The following SASH1 variants were observed in gnomAD, a reference collection of about 807,000 sequenced individuals.
SASH1 encodes SAM and SH3 domain containing 1.
Under a neutral mutation model 125.2 loss-of-function variants are expected in SASH1, and 44 were observed. That is an observed-to-expected ratio of 0.35 (90% confidence interval 0.28 to 0.45). The LOEUF (loss-of-function observed/expected upper bound fraction) is 0.45, where lower values mean the gene tolerates loss of function less well. Among genes scored for constraint, SASH1 ranks in the 20% least tolerant of loss-of-function variants. The pLI is 1.00. For synonymous variants in SASH1, 639 were observed against 649.1 expected (o/e 0.98, Z 0.24); for missense variants, 1,426 against 1,614.5 (o/e 0.88, Z 2.00).
At chr6:148,512,902 C>T (rs1473857693) in intron 8 of SASH1, 5 of 985,330 alleles carry the variant, frequency 5.1e-6, no homozygotes, top group Non-Finnish European at 6.0e-6. Flanking sequence ...AAACGGTTTG[C>T]TGATAGTCAT....
At chr6:148,260,796 C>CTTTTTT in the SASH1 span, among the ~76,000 whole-genome samples, 309 of 104,018 alleles carry the variant, frequency 3.0e-3, 12 homozygotes, top group African/African-American at 4.9e-3. Flanking sequence ...CCTATAAGGG[C>CTTTTTT]TTTTTTTTTT....
chr6:148,442,233 C>T (rs1306400682), intron 4 of SASH1, among the ~76,000 whole-genome samples: 1 of 151,458 alleles, frequency 6.6e-6, no homozygotes, highest in African/African-American at 2.4e-5. Context: ...CCAGCACCAG[C>T]CCCCCGCCCC....
chr6:148,266,374 T>C, the SASH1 span, among the ~76,000 whole-genome samples: 2 of 152,210 alleles, frequency 1.3e-5, no homozygotes, highest in African/African-American at 4.8e-5. Flanking sequence ...AATGTTTGCA[T>C]AGGAATATGA....
In SASH1 at chr6:148,440,182, A is replaced by G. The variant is rs758747103; in HGVS notation, c.286-2A>G. ...GTTAAACTGGCATCTGTTCTGTTTT[A>G]GGAGAAACCCGATGCTAGCCCCACG... On this transcript the variant is annotated splice_acceptor_variant, in intron 2 of 19. Transcript: ENST00000367467. LOFTEE classifies it high-confidence loss of function. 6.2e-7 allele frequency: 1 copy of G among 1,614,014 alleles called. No homozygotes were observed.
At chr6:148,473,623 T>C (rs1778214262) in intron 6 of SASH1, among the ~76,000 whole-genome samples, 1 of 152,232 alleles carries the variant, frequency 6.6e-6, no homozygotes, top group Non-Finnish European at 1.5e-5. Flanking sequence ...AGGTCTGAAC[T>C]CTGTGACCTT....
the SASH1 span, among the ~76,000 whole-genome samples, chr6:148,234,720 A>G: frequency 3.9e-5 from 6 of 152,068 alleles, no homozygotes; most frequent in South Asian, 1.2e-3. Flanking sequence ...CCAGCTACTC[A>G]GGAGGCTGAG....
At chr6:148,494,691 A>G (rs899145775) in intron 8 of SASH1, among the ~76,000 whole-genome samples, 3 of 152,184 alleles carry the variant, frequency 2.0e-5, no homozygotes, top group Admixed American at 1.3e-4. Context: ...GTGGCCTTAT[A>G]ACACCACCTT....
chr6:148,213,550 A>C, the SASH1 span, among the ~76,000 whole-genome samples: 1 of 137,460 alleles, frequency 7.3e-6, no homozygotes, highest in African/African-American at 2.6e-5. Context: ...TGTTGAGAAA[A>C]GCACGGGGAA....
chr6:148,449,408 A>T (rs2115036214), intron 4 of SASH1, among the ~76,000 whole-genome samples: 3 of 115,812 alleles, frequency 2.6e-5, no homozygotes, highest in Admixed American at 9.4e-5. Context: ...TTTTTCTGAG[A>T]CGTAGTTTCG....
intron 4 of SASH1, among the ~76,000 whole-genome samples, chr6:148,466,487 T>C (rs1321659119): frequency 6.6e-6 from 1 of 152,200 alleles, no homozygotes; most frequent in East Asian, 1.9e-4. Context: ...CCCCTCTCTC[T>C]GGTCACCTTA....
At chr6:148,465,780 T>G (rs1253506316) in intron 4 of SASH1, among the ~76,000 whole-genome samples, 1 of 152,186 alleles carries the variant, frequency 6.6e-6, no homozygotes, top group Admixed American at 6.5e-5. Flanking sequence ...AACCCTTCTT[T>G]CTTTCTGAAG....
the SASH1 span, among the ~76,000 whole-genome samples, chr6:148,254,241 C>T: frequency 1.6e-4 from 24 of 151,776 alleles, no homozygotes; most frequent in Middle Eastern, 3.4e-3. Flanking sequence ...TAGAATATAA[C>T]GCATTAGATG....
At chr6:148,530,539 G>A (rs1781452246) in intron 12 of SASH1, among the ~76,000 whole-genome samples, 1 of 152,166 alleles carries the variant, frequency 6.6e-6, no homozygotes. Flanking sequence ...AGAAGCTGCT[G>A]TTGCTGATGT....
At chr6:148,232,842 T>G in the SASH1 span, among the ~76,000 whole-genome samples, 1 of 152,216 alleles carries the variant, frequency 6.6e-6, no homozygotes, top group Non-Finnish European at 1.5e-5. Flanking sequence ...TTCAGAACTC[T>G]GAGCCTGGCA....
intron 5 of SASH1, chr6:148,469,140 A>T (rs967715762): frequency 6.6e-6 from 1 of 152,356 alleles, no homozygotes; most frequent in African/African-American, 2.4e-5. Context: ...TGGGTGGCTG[A>T]TAGTGATTAG....
At chr6:148,226,978 C>T in the SASH1 span, among the ~76,000 whole-genome samples, 1 of 152,146 alleles carries the variant, frequency 6.6e-6, no homozygotes, top group Admixed American at 6.5e-5. Context: ...GTATATTCAA[C>T]AAAATTTTGG....
chr6:148,386,964 GTGCTGAAGATAGCCCAGCTCCCTCTGTCC>G (rs1473294006), intron 1 of SASH1, among the ~76,000 whole-genome samples: 2 of 152,080 alleles, frequency 1.3e-5, no homozygotes, highest in East Asian at 3.9e-4. Flanking sequence ...GGATGCCCTG[GTGCTGAAGATAGCCCAGCTCCCTCTGTCC>G]TGGGAACTAC....
intron 2 of SASH1, among the ~76,000 whole-genome samples, chr6:148,400,744 TTGTC>T (rs1239197669): frequency 2.6e-5 from 4 of 151,516 alleles, no homozygotes; most frequent in Non-Finnish European, 4.4e-5. Flanking sequence ...GAGTGAGACT[TTGTC>T]TGGGGGAAAA....
chr6:148,473,691 T>C (rs1333719818), intron 6 of SASH1, among the ~76,000 whole-genome samples: 3 of 152,216 alleles, frequency 2.0e-5, no homozygotes, highest in African/African-American at 7.2e-5. Context: ...TTCTTCTCAT[T>C]TGTATTGCTA....
Sources: gnomAD v4.1 joint callset for allele counts (sites outside exome capture counted in the v4.1 genomes callset) on GRCh38, gnomAD v4.1.1 for gene constraint, MANE v1.5 for transcripts, NCBI Gene and HGNC (gene_info 2026-07-23, HGNC 2026-07-21) for gene names.